Variants in EEA1 observed in about 807,000 individuals in gnomAD.
The protein encoded by EEA1 is early endosome antigen 1, 162kD.
In EEA1, 111 loss-of-function variants were observed where a neutral mutation model predicts 209.2. That is an observed-to-expected ratio of 0.53 (90% CI 0.45 to 0.62). The LOEUF (loss-of-function observed/expected upper bound fraction) is 0.62. Among genes scored for constraint, EEA1 ranks in the 20% least tolerant of loss-of-function variants. The pLI is 0.00. For missense variants in EEA1, 1,343 were observed against 1,530.8 expected, an observed-to-expected ratio of 0.88 and a Z score of 2.05; for synonymous variants, 536 against 540.6, an observed-to-expected ratio of 0.99 and a Z score of 0.12.
intron 3 of EEA1, chr12:92,858,670 C>A: frequency 1.4e-6 from 1 of 737,286 alleles, no homozygotes; most frequent in Non-Finnish European, 2.6e-6. Flanking sequence ...AGGTGCTATG[C>A]TTCCCATCAG....
At chr12:92,919,622 A>T (rs1306040672) in intron 1 of EEA1, among the ~76,000 whole-genome samples, 1 of 149,248 alleles carries the variant, frequency 6.7e-6, no homozygotes, top group African/African-American at 2.5e-5. Context: ...TATATATGAC[A>T]AACCCACAGC....
rs79214062 is a variant in EEA1, at chr12:92,776,798, G to C, written c.4113+46C>G. 1,004 of 1,524,936 alleles carry C rather than the reference G, an allele frequency of 6.6e-4. 6 individuals are homozygous for C. The African/African-American group carries it at 0.013, about 19-fold the overall frequency. 94.5% of individuals were successfully genotyped at this position (1,524,936 alleles called of 1,614,324 possible). On this transcript the variant is annotated intron_variant, in intron 28 of 28. Coordinates refer to ENST00000322349, the MANE Select transcript of EEA1 (RefSeq NM_003566.4). ...GATGGTTAAAACATTAATTATCAGT[G>C]ACAAATGAAATCCAGAAACATAGTT...
At chr12:92,882,317 A>C (rs1022513933) in intron 2 of EEA1, among the ~76,000 whole-genome samples, 2 of 152,016 alleles carry the variant, frequency 1.3e-5, no homozygotes, top group Non-Finnish European at 2.9e-5. Context: ...CACGTTGGCC[A>C]GGCTGGTCTC....
intron 2 of EEA1, among the ~76,000 whole-genome samples, chr12:92,870,680 TG>T (rs1228160295): frequency 6.6e-6 from 1 of 150,888 alleles, no homozygotes; most frequent in East Asian, 1.9e-4. Flanking sequence ...TTTTTGGCGG[TG>T]GTGGGGCAGG....
At chr12:92,879,930 C>A (rs1293424847) in intron 2 of EEA1, among the ~76,000 whole-genome samples, 11 of 152,306 alleles carry the variant, frequency 7.2e-5, no homozygotes, top group Non-Finnish European at 4.4e-5. Context: ...GTCCTGGTCC[C>A]CTGCCAGCCC....
intron 2 of EEA1, among the ~76,000 whole-genome samples, chr12:92,890,746 C>T (rs1328008475): frequency 6.6e-6 from 1 of 152,114 alleles, no homozygotes; most frequent in Non-Finnish European, 1.5e-5. Context: ...CCTCCCCTCT[C>T]GCAAATCTGT....
chr12:92,875,309 G>A (rs541639173), intron 2 of EEA1, among the ~76,000 whole-genome samples: 1 of 152,212 alleles, frequency 6.6e-6, no homozygotes, highest in African/African-American at 2.4e-5. Context: ...GGTGGCACGC[G>A]CCTGTGGTCT....
intron 10 of EEA1, among the ~76,000 whole-genome samples, chr12:92,839,871 C>A (rs1421110539): frequency 6.6e-6 from 1 of 152,168 alleles, no homozygotes; most frequent in African/African-American, 2.4e-5. Context: ...CCTGAAACTT[C>A]ATGGCAGCAG....
chr12:92,809,456 C>T (rs1875383163), intron 17 of EEA1, among the ~76,000 whole-genome samples: 1 of 148,038 alleles, frequency 6.8e-6, no homozygotes, highest in Admixed American at 6.8e-5. Flanking sequence ...GAGGCAGAGG[C>T]AGGCAGATCA....
In EEA1 at chr12:92,778,011, G is replaced by A. The variant is rs759399764; in HGVS notation, c.3823C>T (p.Arg1275Trp). The A allele has an allele frequency of 3.1e-6, 5 of 1,613,092 alleles. No individual in the cohort carries two copies. Among genetic ancestry groups the A allele is most frequent in the Middle Eastern group, 1.6e-4 (1 of 6,084 alleles). The stretch of plus-strand genomic sequence containing the variant: ...GCTTCTAATACTGCAATTTCACCCC[G>A]TAAGTCATCCGTTTGTTTCTCAAGC... Reference protein sequence around the residue: ...SELEKQTDDLRGEIAVLEATV... With the variant: ...SELEKQTDDLWGEIAVLEATV... The change falls in exon 26 of 29, where the codon CGG becomes TGG. Residue 1275 changes from arginine (R) to tryptophan (W), a missense_variant. Physicochemically the swap from Arg to Trp is moderately radical, Grantham distance 101. This residue lies in a region of EEA1 where 1,307 missense variants were observed against 1,465.5 expected (regional missense o/e 0.89). Transcript: ENST00000322349.
In EEA1 at chr12:92,779,163, C is replaced by G. The variant is rs990776830; in HGVS notation, c.3606G>C (p.Lys1202Asn). The G allele has an allele frequency of 6.2e-7, 1 of 1,608,910 alleles. No individual in the cohort carries two copies. Among genetic ancestry groups the G allele is most frequent in the Non-Finnish European group, 8.5e-7 (1 of 1,178,830 alleles). The change falls in exon 25 of 29, where the codon AAG becomes AAC. Residue 1202 changes from lysine to asparagine, a missense_variant. Physicochemically the swap from Lys to Asn is moderately conservative, Grantham distance 94. Around this residue, in one of 3 missense-constraint regions of EEA1, gnomAD observed 1,307 missense variants for 1,465.5 expected, o/e 0.89. Coordinates refer to ENST00000322349, the MANE Select transcript of EEA1 (RefSeq NM_003566.4). ...NQQILKDQVK[K>N]EEEELKKEFI... ...ATTCTTTCTTCAGCTCCTCTTCTTC[C>G]TTTTTCACCTGGTCTTTTAGTATCT...
At chr12:92,869,615 G>C (rs1878543185) in intron 2 of EEA1, among the ~76,000 whole-genome samples, 1 of 150,262 alleles carries the variant, frequency 6.7e-6, no homozygotes, top group Admixed American at 6.6e-5. Context: ...AATTAGCTGG[G>C]CATGCTGATG....
chr12:92,821,924 CCA>C (rs981095367), intron 13 of EEA1, among the ~76,000 whole-genome samples: 11 of 149,932 alleles, frequency 7.3e-5, no homozygotes, highest in African/African-American at 2.7e-4. Context: ...CTTCAATTAA[CCA>C]CATTCTTTTT....
At chr12:92,863,120 A>G (rs1030803185) in intron 3 of EEA1, among the ~76,000 whole-genome samples, 4 of 152,238 alleles carry the variant, frequency 2.6e-5, no homozygotes, top group Non-Finnish European at 4.4e-5. Context: ...AATTATCACA[A>G]TGGTATGTCA....
Position 92,832,522 on chromosome 12 carries a change from T to G in EEA1, c.1244A>C (p.Glu415Ala). ...KEQHGLQLQS[E>A]INQLHSKLLE... ...ATTAACAGCTCTTACTTGATTAATTTCACTTTGGAGTTGTAACCCATGCTG... is the reference window on the plus strand; with the variant it reads ...ATTAACAGCTCTTACTTGATTAATTGCACTTTGGAGTTGTAACCCATGCTG... Residue 415 changes from glutamate to alanine, a missense_variant, in exon 11 of 29, where the codon GAA (glutamate) becomes GCA (alanine). By Grantham distance (107) the Glu-to-Ala change is moderately radical. Around this residue, in one of 3 missense-constraint regions of EEA1, gnomAD observed 1,307 missense variants for 1,465.5 expected, o/e 0.89. Coordinates refer to ENST00000322349, the MANE Select transcript of EEA1 (RefSeq NM_003566.4). 2 of 1,604,820 alleles carry G rather than the reference T, an allele frequency of 1.2e-6. No individual in the cohort carries two copies. Among genetic ancestry groups the G allele is most frequent in the Non-Finnish European group, 1.7e-6 (2 of 1,176,826 alleles).
In EEA1 at chr12:92,782,046, C is replaced by T. The variant is rs1269946598; in HGVS notation, c.3240G>A (p.Leu1080=). The T allele has an allele frequency of 1.2e-6, 2 of 1,612,956 alleles. No individual in the cohort carries two copies. The highest frequency in any genetic ancestry group is 1.7e-6 in the Non-Finnish European group (2 of 1,179,270). ...GCTCCAATGTAGCCTTGGCAGTCTTCAGTTCTTGAATCAATTTATTTTGAT... is the reference window on the plus strand; with the variant it reads ...GCTCCAATGTAGCCTTGGCAGTCTTTAGTTCTTGAATCAATTTATTTTGAT... ...IGNQNKLIQE[L]KTAKATLEQD... The change falls in exon 23 of 29, where the codon CTG becomes CTA. Residue 1080 remains leucine, a synonymous_variant. Coordinates refer to ENST00000322349, the MANE Select transcript of EEA1 (RefSeq NM_003566.4).
rs535431850 is a variant in EEA1, at chr12:92,864,940, T to G, written c.165A>C (p.Glu55Asp). 17 of 1,611,564 alleles carry G rather than the reference T, an allele frequency of 1.1e-5. No individual in the cohort carries two copies. The African/African-American group carries it at 2.3e-4, about 22-fold the overall frequency. Residue 55 changes from glutamate (E) to aspartate (D), a missense_variant, in exon 3 of 29, where the codon GAA becomes GAC. Physicochemically the swap from Glu to Asp is conservative, Grantham distance 45 (BLOSUM62 2). Coordinates refer to ENST00000322349, the MANE Select transcript of EEA1 (RefSeq NM_003566.4). ...QCMKSLGSAD[E>D]LFKHYEAVHD... ...GAACAGCTTCATAATGTTTGAAAAG[T>G]TCATCAGCAGATCCAAGAGATTTCA...
rs1027550504 is a variant in EEA1 at position 92,772,529 on chromosome 12, T to C, written c.*3482A>G. 2 of 152,020 alleles carry C rather than the reference T, an allele frequency of 1.3e-5. No homozygotes were observed. The highest frequency in any genetic ancestry group is 2.1e-4 in the South Asian group (1 of 4,828). The allele number at this position is 152,020 out of a possible 1,614,324, so 9.4% of individuals were successfully genotyped here. ...ACAACTAGTTTAGAAAGAAATGTTT[T>C]TAATATAATATTTAAACATATTAAA... On this transcript the variant is annotated 3_prime_UTR_variant, in exon 29 of 29. Coordinates refer to ENST00000322349, the MANE Select transcript of EEA1 (RefSeq NM_003566.4).
chr12:92,893,830 C>A (rs1879758803), intron 1 of EEA1, among the ~76,000 whole-genome samples: 1 of 151,614 alleles, frequency 6.6e-6, no homozygotes, highest in Non-Finnish European at 1.5e-5. Flanking sequence ...GATAAGCAAA[C>A]CTCCAGTTTA....
Sources: gnomAD v4.1 joint callset for allele counts (sites outside exome capture counted in the v4.1 genomes callset) on GRCh38, gnomAD v4.1.1 for gene constraint, gnomAD v4.1.1 regional missense constraint, MANE v1.5 for transcripts, NCBI Gene and HGNC (gene_info 2026-07-23, HGNC 2026-07-21) for gene names.